The following ZNF518A variants were observed in gnomAD, a reference collection of about 807,000 sequenced individuals.
ZNF518A encodes the protein zinc finger protein 518.
In ZNF518A, 47 loss-of-function variants were observed where a neutral mutation model predicts 102.7. That is an observed-to-expected ratio of 0.46 (90% confidence interval 0.36 to 0.58). The LOEUF (loss-of-function observed/expected upper bound fraction) is 0.58. Among genes scored for constraint, ZNF518A ranks in the 20% least tolerant of loss-of-function variants. ZNF518A has a pLI of 0.00. For missense variants in ZNF518A, 1,793 were observed against 1,699.8 expected, an observed-to-expected ratio of 1.05 and a Z score of -0.96; for synonymous variants, 652 against 594.6, an observed-to-expected ratio of 1.10 and a Z score of -1.40.
chr10:96,130,031 G>C (rs1476325604), upstream of ZNF518A: 3 of 152,748 alleles, frequency 2.0e-5, no homozygotes, highest in African/African-American at 7.2e-5. Flanking sequence ...TGCGCTCCCG[G>C]TAGCGCTGCG....
At chr10:96,181,570 C>T (rs1554892035) in intron 1 of ZNF518A, among the ~76,000 whole-genome samples, 1 of 152,170 alleles carries the variant, frequency 6.6e-6, no homozygotes, top group African/African-American at 2.4e-5. Flanking sequence ...ATATGGCTCG[C>T]CAGTTTTCCC....
At chr10:96,154,429 TTTTC>T (rs1330445043) in intron 3 of ZNF518A, among the ~76,000 whole-genome samples, 1 of 151,974 alleles carries the variant, frequency 6.6e-6, no homozygotes, top group African/African-American at 2.4e-5. Context: ...TCCCTCCTTC[TTTTC>T]TTTTTTTTCC....
chr10:96,131,048 G>A (rs1366318468), intron 1 of ZNF518A, among the ~76,000 whole-genome samples: 1 of 152,236 alleles, frequency 6.6e-6, no homozygotes, highest in Non-Finnish European at 1.5e-5. Flanking sequence ...AGCAAGTAGT[G>A]TATGTGAGCT....
chr10:96,198,907 C>A (rs1554895341), intron 1 of ZNF518A, among the ~76,000 whole-genome samples: 1 of 152,188 alleles, frequency 6.6e-6, no homozygotes, highest in Non-Finnish European at 1.5e-5. Flanking sequence ...CCATCTTGGC[C>A]AGGCTGGTCT....
At chr10:96,168,747 A>T (rs1312372044), downstream of ZNF518A, among the ~76,000 whole-genome samples, 9 of 152,054 alleles carry the variant, frequency 5.9e-5, no homozygotes, top group Non-Finnish European at 1.0e-4. Context: ...GGACCTTTGG[A>T]TGTGATGACT....
chr10:96,165,574 T>C (rs587599423), downstream of ZNF518A, among the ~76,000 whole-genome samples: 1 of 151,848 alleles, frequency 6.6e-6, no homozygotes, highest in African/African-American at 2.4e-5. Context: ...GCTTAGCAGA[T>C]TACATTTTTA....
At chr10:96,168,399 T>C (rs587644170), downstream of ZNF518A, among the ~76,000 whole-genome samples, 3 of 152,072 alleles carry the variant, frequency 2.0e-5, no homozygotes, top group African/African-American at 7.2e-5. Context: ...CATTGTCTTA[T>C]GTTTATTTGT....
rs377471969 is a variant in ZNF518A at position 96,158,461 on chromosome 10, A to G, written c.2139A>G (p.Lys713=). The change falls in exon 6 of 6, where the codon AAA becomes AAG. Residue 713 remains lysine, a synonymous_variant. Coordinates refer to ENST00000316045, the MANE Select transcript of ZNF518A (RefSeq NM_001330736.2). ...LNDKDGTLKA[K]SEIEEQYVLE... ...ATAAAGATGGAACTTTAAAAGCAAA[A>G]TCTGAAATTGAAGAACAGTATGTTT... The G allele has an allele frequency of 6.8e-6, 11 of 1,612,606 alleles. No homozygotes were observed. The African/African-American group carries it at 1.1e-4, about 16-fold the overall frequency.
rs372560877 is a variant in ZNF518A at position 96,156,494 on chromosome 10, C to A, written c.172C>A (p.Pro58Thr). 6.2e-7 allele frequency: 1 copy of A among 1,610,600 alleles called. No homozygotes were observed. The highest frequency in any genetic ancestry group is 1.7e-4 in the Middle Eastern group (1 of 6,052). ...VKIDLPKINIPNEVLLKHEVD... is the reference protein window; with the variant it reads ...VKIDLPKINITNEVLLKHEVD... ...AATTGATTTGCCAAAAATAAATATT[C>A]CAAATGAAGTCCTATTGAAACATGA... The change falls in exon 6 of 6, where the codon CCA (proline) becomes ACA (threonine). Residue 58 changes from proline (P) to threonine (T), a missense_variant. By Grantham distance (38) the Pro-to-Thr change is conservative (BLOSUM62 -1). Coordinates refer to ENST00000316045, the MANE Select transcript of ZNF518A (RefSeq NM_001330736.2).
intron 3 of ZNF518A, among the ~76,000 whole-genome samples, chr10:96,152,967 G>A (rs1026168134): frequency 1.3e-5 from 2 of 152,204 alleles, no homozygotes; most frequent in Admixed American, 6.5e-5. Flanking sequence ...GATTATGGGG[G>A]CTGAGAAATC....
At chr10:96,148,950 G>A (rs2082301961) in intron 3 of ZNF518A, among the ~76,000 whole-genome samples, 1 of 152,054 alleles carries the variant, frequency 6.6e-6, no homozygotes, top group African/African-American at 2.4e-5. Flanking sequence ...CTCCTGACCT[G>A]GTGATCTGCC....
rs782585660 is a variant in ZNF518A at position 96,159,499 on chromosome 10, G to C, written c.3177G>C (p.Val1059=). Residue 1059 remains valine (V), a synonymous_variant, in exon 6 of 6, where the codon GTG becomes GTC. Transcript: ENST00000316045. ...ACATTTTGAAACCAACGAGTTCTGT[G>C]AAAGCTGTTCTTATTCCTAACATGC... ...GPYILKPTSS[V]KAVLIPNMLS... is the part of the protein sequence containing the mutation. 1.3e-5 allele frequency: 21 copies of C among 1,613,718 alleles called. 1 individual carries two copies. The African/African-American group carries it at 2.8e-4, about 22-fold the overall frequency.
At chr10:96,178,614 T>C (rs1356229410) in intron 1 of ZNF518A, among the ~76,000 whole-genome samples, 1 of 151,940 alleles carries the variant, frequency 6.6e-6, no homozygotes, top group African/African-American at 2.4e-5. Flanking sequence ...TTTATGGTAA[T>C]CAATGAGTAG....
chr10:96,154,283 C>T (rs893391744), intron 3 of ZNF518A, among the ~76,000 whole-genome samples: 8 of 152,048 alleles, frequency 5.3e-5, no homozygotes, highest in African/African-American at 1.7e-4. Context: ...TGCAGTGAGC[C>T]GTGATGGTGC....
chr10:96,152,910 A>C (rs779815490), intron 3 of ZNF518A, among the ~76,000 whole-genome samples: 1 of 152,232 alleles, frequency 6.6e-6, no homozygotes, highest in Non-Finnish European at 1.5e-5. Context: ...TGATTGATAG[A>C]TACATAAATA....
intron 1 of ZNF518A, among the ~76,000 whole-genome samples, chr10:96,174,799 G>T (rs1591274614): frequency 6.6e-6 from 1 of 152,048 alleles, no homozygotes. Context: ...CATGGAATAG[G>T]TGTTATATAT....
chr10:96,148,322 C>T (rs1554879222), intron 3 of ZNF518A, among the ~76,000 whole-genome samples: 1 of 152,100 alleles, frequency 6.6e-6, no homozygotes, highest in Non-Finnish European at 1.5e-5. Context: ...TGCCTATAAT[C>T]CCAGCTACTA....
intron 3 of ZNF518A, among the ~76,000 whole-genome samples, chr10:96,137,502 A>G (rs1195971578): frequency 2.0e-5 from 3 of 152,208 alleles, no homozygotes; most frequent in African/African-American, 7.2e-5. Context: ...CCATGGTACC[A>G]GTGATCTTCA....
At chr10:96,178,785 A>G (rs587746510) in intron 1 of ZNF518A, among the ~76,000 whole-genome samples, 1 of 152,196 alleles carries the variant, frequency 6.6e-6, no homozygotes, top group African/African-American at 2.4e-5. Flanking sequence ...ATTAGAATAT[A>G]TATTAGACTA....
Sources: gnomAD v4.1 joint callset for allele counts (sites outside exome capture counted in the v4.1 genomes callset) on GRCh38, gnomAD v4.1.1 for gene constraint, MANE v1.5 for transcripts, NCBI Gene and HGNC (gene_info 2026-07-23, HGNC 2026-07-21) for gene names.